KDM3B: variants seen among roughly 807,000 people sequenced by gnomAD.
The protein encoded by KDM3B is lysine demethylase 3B.
In KDM3B, 10 loss-of-function variants were observed where a neutral mutation model predicts 170.0. That is an observed-to-expected ratio of 0.06 (90% confidence interval 0.04 to 0.10). KDM3B has a LOEUF of 0.10. Among genes scored for constraint, KDM3B ranks in the 10% least tolerant of loss-of-function variants. The pLI is 1.00. For synonymous variants in KDM3B, 831 were observed against 834.8 expected, an observed-to-expected ratio of 1.00 and a Z score of 0.08; for missense variants, 1,394 against 2,195.2, an observed-to-expected ratio of 0.64 and a Z score of 7.29.
intron 11 of KDM3B, among the ~76,000 whole-genome samples, chr5:138,412,654 C>CA (rs1395686648): frequency 6.6e-6 from 1 of 151,362 alleles, no homozygotes; most frequent in Middle Eastern, 3.2e-3. Context: ...ACCCTGTCTC[C>CA]AAAAAAAGAG....
At chr5:138,357,919 TC>T (rs1438664419) in intron 1 of KDM3B, among the ~76,000 whole-genome samples, 1 of 151,884 alleles carries the variant, frequency 6.6e-6, no homozygotes, top group Non-Finnish European at 1.5e-5. Context: ...ACTCCTGACC[TC>T]AGGTGATCCA....
chr5:138,377,806 A>G lies in KDM3B; in HGVS notation c.561A>G (p.Leu187=), dbSNP rs1762035618. The G allele has an allele frequency of 4.3e-6, 7 of 1,613,248 alleles. No individual in the cohort carries two copies. Among genetic ancestry groups the G allele is most frequent in the African/African-American group, 1.3e-5 (1 of 74,914 alleles). Residue 187 remains leucine, a synonymous_variant, in exon 4 of 24, where the codon CTA becomes CTG. Coordinates refer to ENST00000314358, the MANE Select transcript of KDM3B (RefSeq NM_016604.4). ...TVNALISDQK[L]QEIFSRGPYS... ...ATGCTTTGATCAGTGACCAAAAGCT[A>G]CAAGAGATATTCAGCCGAGGTAAGA...
chr5:138,405,338 G>A (rs939978816), intron 11 of KDM3B, among the ~76,000 whole-genome samples: 5 of 152,094 alleles, frequency 3.3e-5, no homozygotes, highest in African/African-American at 9.7e-5. Flanking sequence ...ACCATGCCCC[G>A]CCACAAATAT....
chr5:138,428,241 C>T (rs998888588), intron 20 of KDM3B, among the ~76,000 whole-genome samples, 155 bp downstream of exon 20: 2 of 150,916 alleles, frequency 1.3e-5, no homozygotes, highest in Non-Finnish European at 2.9e-5. Flanking sequence ...CAGAGTCTCG[C>T]TCTGTCCCCC....
At chr5:138,432,850 T>C (rs1763570148) in intron 23 of KDM3B, among the ~76,000 whole-genome samples, 1 of 151,376 alleles carries the variant, frequency 6.6e-6, no homozygotes, top group African/African-American at 2.4e-5. Context: ...GTTCATGCCA[T>C]TCTCTTGCCT....
At chr5:138,370,615 T>C (rs950088913) in intron 1 of KDM3B, among the ~76,000 whole-genome samples, 1 of 152,186 alleles carries the variant, frequency 6.6e-6, no homozygotes, top group Non-Finnish European at 1.5e-5. Context: ...AATTACATCA[T>C]CTACATGTAT....
chr5:138,398,337 G>A lies in KDM3B; in HGVS notation c.2991G>A (p.Gln997=). 6.2e-7 allele frequency: 1 copy of A among 1,614,200 alleles called. No homozygotes were observed. The highest frequency in any genetic ancestry group is 2.2e-5 in the East Asian group (1 of 44,892). The part of the protein sequence containing the change: ...SKYILANVGD[Q]FCQLVMSEKE... ...ACATCCTGGCCAATGTTGGGGACCA[G>A]TTCTGCCAGCTCGTAATGTCTGAGA... The change falls in exon 10 of 24, where the codon CAG becomes CAA. Residue 997 remains glutamine (Q), a synonymous_variant. Coordinates refer to ENST00000314358, the MANE Select transcript of KDM3B (RefSeq NM_016604.4).
rs894264507 is a variant in KDM3B, at chr5:138,420,732, A to G, written c.3742A>G (p.Asn1248Asp). Reference sequence around the variant, plus strand: ...AGCAGGGTCCCTGAGGTCGGTGCTCAATAAAGAGTCTCATTCACCCTTTGG... The same window carrying G: ...AGCAGGGTCCCTGAGGTCGGTGCTCGATAAAGAGTCTCATTCACCCTTTGG... ...KEAGSLRSVL[N>D]KESHSPFGLD... Residue 1248 changes from asparagine (N) to aspartate (D), a missense_variant, in exon 15 of 24, where the codon AAT (asparagine) becomes GAT (aspartate). Transcript: ENST00000314358. The G allele has an allele frequency of 6.2e-7, 1 of 1,614,028 alleles. No homozygotes were observed. Among genetic ancestry groups the G allele is most frequent in the African/African-American group, 1.3e-5 (1 of 74,908 alleles).
intron 11 of KDM3B, among the ~76,000 whole-genome samples, chr5:138,405,083 G>C (rs898667283): frequency 7.1e-6 from 1 of 140,258 alleles, no homozygotes; most frequent in Non-Finnish European, 1.5e-5. Flanking sequence ...TCGTACTGTC[G>C]ACCAGGCTGG....
chr5:138,435,072 A>G (rs111626657), intron 23 of KDM3B, among the ~76,000 whole-genome samples: 55 of 152,276 alleles, frequency 3.6e-4, no homozygotes, highest in African/African-American at 1.2e-3. Flanking sequence ...ACTTTTTTCA[A>G]TAACTTTTAT....
At chr5:138,422,967 TCTCA>T (rs1389469461) in intron 15 of KDM3B, among the ~76,000 whole-genome samples, 29 of 152,154 alleles carry the variant, frequency 1.9e-4, no homozygotes, top group African/African-American at 7.2e-5. Context: ...TTTGAGACAG[TCTCA>T]CTCTGTTGCC....
chr5:138,393,532 C>T (rs970200635), intron 9 of KDM3B, among the ~76,000 whole-genome samples, 160 bp downstream of exon 9: 2 of 152,192 alleles, frequency 1.3e-5, no homozygotes, highest in African/African-American at 4.8e-5. Context: ...ATAGTAGTCA[C>T]TTAGTTGTTT....
Position 138,387,898 on chromosome 5 carries a change from G to C in KDM3B, c.1380+1277G>C, listed in dbSNP as rs6859891. 2.3e-4 allele frequency among the ~76,000 whole-genome samples: 35 copies of C among 151,372 alleles called. No individual in the cohort carries two copies. The East Asian group carries it at 3.2e-3, about 14-fold the overall frequency. ...AGATCAAGACCATCCTGGCTAACAC[G>C]GTGAAACCCCATCTCTACTAAAAAT... On this transcript the variant is annotated intron_variant, in intron 7 of 23. Transcript: ENST00000314358.
At chr5:138,385,377 C>T (rs1227218613) in intron 6 of KDM3B, among the ~76,000 whole-genome samples, 2 of 152,188 alleles carry the variant, frequency 1.3e-5, no homozygotes, top group Non-Finnish European at 2.9e-5. Flanking sequence ...GGACTACAGG[C>T]ATACGCCACC....
chr5:138,388,026 A>G (rs1303001209), intron 7 of KDM3B, among the ~76,000 whole-genome samples: 3 of 152,020 alleles, frequency 2.0e-5, no homozygotes, highest in Non-Finnish European at 4.4e-5. Flanking sequence ...GCTTGCAGTG[A>G]GCCGAGATTG....
intron 1 of KDM3B, among the ~76,000 whole-genome samples, chr5:138,355,318 G>A (rs1761422820): frequency 6.6e-6 from 1 of 152,134 alleles, no homozygotes. Flanking sequence ...TAGATTCCAC[G>A]AATACATCTC....
chr5:138,423,629 A>G (rs978619440), intron 15 of KDM3B, among the ~76,000 whole-genome samples: 20 of 152,150 alleles, frequency 1.3e-4, no homozygotes, highest in African/African-American at 4.8e-4. Context: ...GTAGAAAACC[A>G]TTGCCTTGAT....
rs1247669835 is a variant in KDM3B, at chr5:138,353,843, T to C, written c.192+856T>C. ...TAGCATTCGGGATCATGATGTGTTA[T>C]TCTCGTTAATGTGGCGGTAAAATAT... is the stretch of plus-strand genomic sequence containing the variant. On this transcript the variant is annotated intron_variant, in intron 1 of 23. Coordinates refer to ENST00000314358, the MANE Select transcript of KDM3B (RefSeq NM_016604.4). 2.6e-5 allele frequency among the ~76,000 whole-genome samples: 4 copies of C among 152,232 alleles called. No individual in the cohort carries two copies. In the East Asian group the frequency reaches 7.7e-4, roughly 29 times the overall value.
At chr5:138,385,133 T>C (rs1016841129) in intron 6 of KDM3B, among the ~76,000 whole-genome samples, 1 of 152,000 alleles carries the variant, frequency 6.6e-6, no homozygotes, top group Non-Finnish European at 1.5e-5. Context: ...GTGATTCTCC[T>C]GCATCAGCCT....
Sources: allele counts gnomAD v4.1 joint callset (sites outside exome capture counted in the v4.1 genomes callset), GRCh38; gene constraint gnomAD v4.1.1; transcripts MANE v1.5; gene names NCBI Gene and HGNC (gene_info 2026-07-23, HGNC 2026-07-21).